Variants in LHFPL3 observed in about 807,000 individuals in gnomAD.
LHFPL3 encodes LHFPL tetraspan subfamily member 3, also known as LHFPL tetraspan subfamily member 3 protein.
A neutral mutation model predicts 19.3 loss-of-function variants in LHFPL3; 5 were observed. The observed-to-expected ratio is 0.26, with a 90% CI of 0.14 to 0.54. The LOEUF (loss-of-function observed/expected upper bound fraction) is 0.54, where lower values mean the gene tolerates loss of function less well. Among genes scored for constraint, LHFPL3 ranks in the 20% least tolerant of loss-of-function variants. LHFPL3 has a pLI of 0.94. For missense variants in LHFPL3, 249 were observed against 307.4 expected (o/e 0.81, Z 1.42); for synonymous variants, 133 against 126.2 (o/e 1.05, Z -0.36).
At position 104,869,785 on chromosome 7, in the gene LHFPL3, T is replaced by G. The variant is rs573253208; in HGVS notation, c.683-36402T>G. 2.0e-5 allele frequency among the ~76,000 whole-genome samples: 3 copies of G among 152,310 alleles called. No individual in the cohort carries two copies. In the South Asian group the frequency reaches 6.2e-4, roughly 32 times the overall value. ...TAAATCATGCTGCTATAAAGACACATGCACACGTATGTTTATTGCGGCACT... is the reference window on the plus strand; with the variant it reads ...TAAATCATGCTGCTATAAAGACACAGGCACACGTATGTTTATTGCGGCACT... On this transcript the variant is annotated intron_variant, in intron 2 of 2. Coordinates refer to ENST00000424859, the MANE Select transcript of LHFPL3 (RefSeq NM_199000.3).
intron 1 of LHFPL3, among the ~76,000 whole-genome samples, chr7:104,493,174 CTT>C (rs1562914863): frequency 2.0e-5 from 3 of 152,120 alleles, no homozygotes; most frequent in African/African-American, 7.2e-5. Flanking sequence ...CCTCTTGGAT[CTT>C]GGTATTTATC....
At chr7:104,773,781 C>T (rs974521265) in intron 2 of LHFPL3, among the ~76,000 whole-genome samples, 2 of 152,166 alleles carry the variant, frequency 1.3e-5, no homozygotes, top group African/African-American at 4.8e-5. Context: ...CTAAGGAATG[C>T]CAAAGTTTGC....
chr7:104,779,115 C>T (rs1794678921), intron 2 of LHFPL3, among the ~76,000 whole-genome samples: 1 of 152,190 alleles, frequency 6.6e-6, no homozygotes, highest in Admixed American at 6.5e-5. Context: ...TGACTACCTG[C>T]AAGACTTGCC....
intron 1 of LHFPL3, among the ~76,000 whole-genome samples, chr7:104,381,627 G>T (rs187020340): frequency 4.6e-5 from 7 of 151,926 alleles, no homozygotes; most frequent in Admixed American, 4.6e-4. Context: ...ACTAGTTCTG[G>T]ATATAAAGTT....
chr7:104,743,233 T>C (rs1431759028), intron 2 of LHFPL3, among the ~76,000 whole-genome samples: 3 of 152,116 alleles, frequency 2.0e-5, no homozygotes, highest in African/African-American at 7.2e-5. Context: ...CAGAGGCCCA[T>C]ACACTCATAC....
chr7:104,708,396 G>A (rs1041983334), intron 1 of LHFPL3, among the ~76,000 whole-genome samples: 1 of 151,916 alleles, frequency 6.6e-6, no homozygotes, highest in African/African-American at 2.4e-5. Context: ...GATGCTATAG[G>A]GAGCTTGAGT....
chr7:104,376,028 T>C (rs973684189), intron 1 of LHFPL3, among the ~76,000 whole-genome samples: 4 of 152,230 alleles, frequency 2.6e-5, no homozygotes, highest in Non-Finnish European at 4.4e-5. Flanking sequence ...TGTATCTTTA[T>C]GGCACATTAG....
At chr7:104,454,844 G>A (rs1308779081) in intron 1 of LHFPL3, among the ~76,000 whole-genome samples, 1 of 152,102 alleles carries the variant, frequency 6.6e-6, no homozygotes, top group Non-Finnish European at 1.5e-5. Context: ...TAATTCCTAT[G>A]TTATAATTTT....
intron 1 of LHFPL3, among the ~76,000 whole-genome samples, chr7:104,388,432 G>T (rs747641119): frequency 2.0e-5 from 3 of 151,936 alleles, no homozygotes; most frequent in Non-Finnish European, 4.4e-5. Flanking sequence ...ACCAGAAATT[G>T]TTAAGTCCAG....
intron 2 of LHFPL3, among the ~76,000 whole-genome samples, chr7:104,780,126 T>C (rs927493781): frequency 6.6e-5 from 10 of 152,336 alleles, no homozygotes; most frequent in African/African-American, 2.4e-4. Context: ...AGATGTGGTT[T>C]TGTCTACAGG....
chr7:104,432,322 A>C (rs1428581093), intron 1 of LHFPL3, among the ~76,000 whole-genome samples: 1 of 152,184 alleles, frequency 6.6e-6, no homozygotes, highest in Admixed American at 6.5e-5. Context: ...TTATCTTGTC[A>C]AGACCTAGAA....
intron 2 of LHFPL3, among the ~76,000 whole-genome samples, chr7:104,828,628 C>A (rs1184481005): frequency 6.6e-6 from 1 of 152,022 alleles, no homozygotes; most frequent in Non-Finnish European, 1.5e-5. Flanking sequence ...CACCGCCAGG[C>A]CTCTTATTCT....
At position 104,786,194 on chromosome 7, in the gene LHFPL3, CA is replaced by C. The variant is rs1789909892; in HGVS notation, c.682+49284del. 2.6e-5 allele frequency among the ~76,000 whole-genome samples: 4 copies of C among 152,308 alleles called. No homozygotes were observed. The South Asian group carries it at 8.3e-4, about 32-fold the overall frequency. ...TCCCTCATCAGCACAGTGGTCCAAC[CA>C]GCTTAGCCACTGGTTAAAGACTGAA... On this transcript the variant is annotated intron_variant, in intron 2 of 2. Coordinates refer to ENST00000424859, the MANE Select transcript of LHFPL3 (RefSeq NM_199000.3).
At chr7:104,835,315 G>GT (rs1386186705) in intron 2 of LHFPL3, among the ~76,000 whole-genome samples, 1 of 151,964 alleles carries the variant, frequency 6.6e-6, no homozygotes, top group Admixed American at 6.5e-5. Context: ...TGTTCTTCTA[G>GT]TCAAAGTGAT....
intron 2 of LHFPL3, among the ~76,000 whole-genome samples, chr7:104,832,451 C>G (rs1790971473): frequency 6.6e-6 from 1 of 151,692 alleles, no homozygotes; most frequent in Admixed American, 6.6e-5. Flanking sequence ...CCAAATGTGT[C>G]ATCGCATAAT....
chr7:104,333,988 T>C lies in LHFPL3; in HGVS notation c.445+4764T>C, dbSNP rs137964410. On this transcript the variant is annotated intron_variant, in intron 1 of 2. Transcript: ENST00000424859. ...TGCTTTAGTTGCTCATCTGCAAATATGCATATAATTGTACCTGTCAGGAGA... is the reference window on the plus strand; with the variant it reads ...TGCTTTAGTTGCTCATCTGCAAATACGCATATAATTGTACCTGTCAGGAGA... 3.1e-3 allele frequency among the ~76,000 whole-genome samples: 467 copies of C among 152,328 alleles called. 2 individuals are homozygous for C. Among genetic ancestry groups the C allele is most frequent in the African/African-American group, 0.011 (444 of 41,582 alleles).
chr7:104,709,768 G>A (rs1380661363), intron 1 of LHFPL3, among the ~76,000 whole-genome samples: 13 of 151,854 alleles, frequency 8.6e-5, no homozygotes, highest in East Asian at 5.8e-4. Flanking sequence ...ACGGGGTGGC[G>A]GCCGGGCAGA....
chr7:104,791,275 CA>C (rs1790017682), intron 2 of LHFPL3, among the ~76,000 whole-genome samples: 2 of 152,180 alleles, frequency 1.3e-5, no homozygotes, highest in African/African-American at 4.8e-5. Flanking sequence ...AAGGGAAATT[CA>C]AAAGGCTGAG....
intron 1 of LHFPL3, among the ~76,000 whole-genome samples, chr7:104,595,670 G>A (rs190429297): frequency 6.6e-6 from 1 of 152,368 alleles, no homozygotes; most frequent in Non-Finnish European, 1.5e-5. Context: ...ACCCACAGAG[G>A]TGGAGTCTAG....
Sources: allele counts gnomAD v4.1 joint callset (sites outside exome capture counted in the v4.1 genomes callset), GRCh38; gene constraint gnomAD v4.1.1; transcripts MANE v1.5; gene names NCBI Gene and HGNC (gene_info 2026-07-23, HGNC 2026-07-21).